The following PRKG1 variants were observed in gnomAD, a reference collection of about 807,000 sequenced individuals.
PRKG1 encodes the protein cGMP-dependent protein kinase 1.
Under a neutral mutation model 88.1 loss-of-function variants are expected in PRKG1, and 35 were observed. The observed-to-expected ratio is 0.40, with a 90% CI of 0.30 to 0.53. PRKG1 has a LOEUF of 0.53. Among genes scored for constraint, PRKG1 ranks in the 20% least tolerant of loss-of-function variants. The probability of loss-of-function intolerance (pLI) is 0.59; values close to 1 mark genes in which losing one functional copy is unlikely to be tolerated. For missense variants in PRKG1, 540 were observed against 839.8 expected, an observed-to-expected ratio of 0.64 and a Z score of 4.41; for synonymous variants, 303 against 292.5, an observed-to-expected ratio of 1.04 and a Z score of -0.37.
chr10:51,356,058 C>A (rs1360706680), intron 2 of PRKG1, among the ~76,000 whole-genome samples: 1 of 152,012 alleles, frequency 6.6e-6, no homozygotes, highest in African/African-American at 2.4e-5. Context: ...AACATTTTTC[C>A]TCCCATCATA....
chr10:51,127,964 G>C (rs1014095563), intron 1 of PRKG1, among the ~76,000 whole-genome samples: 3 of 151,954 alleles, frequency 2.0e-5, no homozygotes, highest in Non-Finnish European at 2.9e-5. Context: ...GTTCAGGGGT[G>C]GGGGGCAAGG....
intron 2 of PRKG1, among the ~76,000 whole-genome samples, chr10:51,156,297 G>GCGCACACACACACACACA (rs1554841311): frequency 2.3e-4 from 8 of 35,138 alleles, no homozygotes; most frequent in African/African-American, 1.6e-3. Flanking sequence ...TTTGATGCAA[G>GCGCACACACACACACACA]CACACACACA....
At chr10:51,289,977 GGTTCA>G (rs1189712937) in intron 2 of PRKG1, among the ~76,000 whole-genome samples, 1 of 152,072 alleles carries the variant, frequency 6.6e-6, no homozygotes, top group Non-Finnish European at 1.5e-5. Context: ...CTCTTTTGCA[GGTTCA>G]GTTTTTGACT....
intron 1 of PRKG1, among the ~76,000 whole-genome samples, chr10:51,104,078 A>G (rs1456778180): frequency 6.6e-6 from 1 of 152,198 alleles, no homozygotes; most frequent in African/African-American, 2.4e-5. Context: ...GTTTGTGTGT[A>G]TATGAATGTG....
intron 3 of PRKG1, among the ~76,000 whole-genome samples, chr10:51,767,040 T>G (rs1838182475): frequency 6.6e-6 from 1 of 152,174 alleles, no homozygotes; most frequent in African/African-American, 2.4e-5. Context: ...GTACTGAAGT[T>G]TTATATTTAT....
At chr10:51,047,764 C>T (rs1477799983) in intron 1 of PRKG1, among the ~76,000 whole-genome samples, 5 of 151,908 alleles carry the variant, frequency 3.3e-5, no homozygotes, top group South Asian at 4.2e-4. Context: ...ATATTTGTTA[C>T]AGCAGAAACA....
chr10:51,802,432 T>C (rs1192569445), intron 3 of PRKG1, among the ~76,000 whole-genome samples: 3 of 152,150 alleles, frequency 2.0e-5, no homozygotes, highest in Non-Finnish European at 4.4e-5. Flanking sequence ...ATTCTGTCAA[T>C]TTATTTTTTA....
At chr10:52,244,091 A>G (rs140515392) in intron 9 of PRKG1, among the ~76,000 whole-genome samples, 102 of 152,196 alleles carry the variant, frequency 6.7e-4, no homozygotes, top group African/African-American at 2.2e-3. Flanking sequence ...CTATTTCTTT[A>G]AGTTATTCCT....
At chr10:52,171,255 T>C (rs1838666482) in intron 9 of PRKG1, among the ~76,000 whole-genome samples, 1 of 151,402 alleles carries the variant, frequency 6.6e-6, no homozygotes, top group Non-Finnish European at 1.5e-5. Flanking sequence ...CTCAGGGAAA[T>C]GATCCTGGAA....
intron 3 of PRKG1, among the ~76,000 whole-genome samples, chr10:51,691,005 A>G (rs553550782): frequency 1.3e-5 from 2 of 150,000 alleles, no homozygotes; most frequent in South Asian, 4.2e-4. Flanking sequence ...AGCTGTTAAC[A>G]TTTAATATCT....
chr10:51,729,442 G>A (rs1450032739), intron 3 of PRKG1, among the ~76,000 whole-genome samples: 1 of 151,962 alleles, frequency 6.6e-6, no homozygotes, highest in Non-Finnish European at 1.5e-5. Context: ...AAAATTGACT[G>A]GGCACGGTGG....
intron 1 of PRKG1, among the ~76,000 whole-genome samples, chr10:51,039,747 A>G (rs912605509): frequency 6.6e-6 from 1 of 152,108 alleles, no homozygotes; most frequent in African/African-American, 2.4e-5. Flanking sequence ...TTAAGTCCTT[A>G]ATTCATTTTG....
intron 8 of PRKG1, among the ~76,000 whole-genome samples, chr10:52,147,325 G>C (rs957269101): frequency 1.3e-5 from 2 of 152,176 alleles, no homozygotes; most frequent in African/African-American, 4.8e-5. Flanking sequence ...GGAAAAGAAA[G>C]GAAGAGTTCA....
At chr10:52,072,396 G>A (rs1846525966) in intron 7 of PRKG1, among the ~76,000 whole-genome samples, 1 of 151,834 alleles carries the variant, frequency 6.6e-6, no homozygotes, top group African/African-American at 2.4e-5. Context: ...TCTGGCCTGA[G>A]TTATTCTCCT....
At chr10:51,989,980 T>C (rs1433848186) in intron 5 of PRKG1, among the ~76,000 whole-genome samples, 4 of 152,124 alleles carry the variant, frequency 2.6e-5, no homozygotes, top group Admixed American at 2.6e-4. Context: ...AAGTTGTTTT[T>C]GAGTTAATAC....
At chr10:51,757,798 C>T (rs1005204338) in intron 3 of PRKG1, among the ~76,000 whole-genome samples, 3 of 152,096 alleles carry the variant, frequency 2.0e-5, no homozygotes, top group Admixed American at 6.6e-5. Context: ...CAATTAATTT[C>T]ACCTGTTTCT....
chr10:51,152,711 T>C (rs1447599225), intron 1 of PRKG1, among the ~76,000 whole-genome samples: 5 of 152,050 alleles, frequency 3.3e-5, no homozygotes, highest in African/African-American at 7.2e-5. Context: ...TTTTCTATAA[T>C]TGTGTATAGT....
chr10:52,254,969 C>A (rs1031831996), intron 10 of PRKG1, among the ~76,000 whole-genome samples: 2 of 152,074 alleles, frequency 1.3e-5, no homozygotes, highest in Non-Finnish European at 2.9e-5. Context: ...TGTTCACAAC[C>A]ATTTCCTCTG....
chr10:51,579,272 A>G (rs183203370), intron 3 of PRKG1, among the ~76,000 whole-genome samples: 10,503 of 151,822 alleles, frequency 0.069, 1,196 homozygotes, highest in African/African-American at 0.24. Context: ...GTGAGCCACC[A>G]CACCTGGCTG....
Sources: gnomAD v4.1 joint callset for allele counts (sites outside exome capture counted in the v4.1 genomes callset) on GRCh38, gnomAD v4.1.1 for gene constraint, MANE v1.5 for transcripts, NCBI Gene and HGNC (gene_info 2026-07-23, HGNC 2026-07-21) for gene names.